MTMR6: variants seen among roughly 807,000 people sequenced by gnomAD.
The protein encoded by MTMR6 is myotubularin related protein 6.
A neutral mutation model predicts 80.1 loss-of-function variants in MTMR6; 47 were observed. The ratio of observed to expected loss-of-function variants is 0.59; its 90% CI spans 0.46 to 0.75. The LOEUF is 0.75. MTMR6 is among the 30% of genes least tolerant of loss of function. The probability of loss-of-function intolerance (pLI) is 0.00; values close to 1 mark genes in which losing one functional copy is unlikely to be tolerated. For missense variants in MTMR6, 629 were observed against 730.9 expected, an observed-to-expected ratio of 0.86 and a Z score of 1.61; for synonymous variants, 254 against 253.0, an observed-to-expected ratio of 1.00 and a Z score of -0.04.
intron 6 of MTMR6, among the ~76,000 whole-genome samples, chr13:25,259,628 A>T (rs1201741996): frequency 6.6e-6 from 1 of 151,606 alleles, no homozygotes; most frequent in Non-Finnish European, 1.5e-5. Flanking sequence ...CTAGTAAAAC[A>T]ATCAAAGAAT....
chr13:25,283,769 T>C (rs145205304), intron 1 of MTMR6, among the ~76,000 whole-genome samples: 3 of 152,322 alleles, frequency 2.0e-5, no homozygotes, highest in African/African-American at 7.2e-5. Flanking sequence ...GACATCAATA[T>C]ATAATGTCAG....
At position 25,251,738 on chromosome 13, in the gene MTMR6, G is replaced by A. The variant is rs1416388378; in HGVS notation, c.1516C>T (p.Leu506=). 1.2e-6 allele frequency: 2 copies of A among 1,602,074 alleles called. No homozygotes were observed. Among genetic ancestry groups the A allele is most frequent in the South Asian group, 2.2e-5 (2 of 89,734 alleles). The part of the protein sequence containing the change: ...RNMYHQFDRT[L]HPRQSVFNII... ...TTAAATACAGACTGCCTAGGATGCA[G>A]TGTTCGATCAAATTGATGGTACATG... Residue 506 remains leucine (L), a synonymous_variant, in exon 13 of 14, where the codon CTG becomes TTG. Coordinates refer to ENST00000381801, the MANE Select transcript of MTMR6 (RefSeq NM_004685.5). The surrounding 1 kb of genome is among the most constrained non-coding windows in gnomAD (Gnocchi z 4.1).
rs892468961 is a variant in MTMR6 at position 25,248,538 on chromosome 13, T to C, written c.*694A>G. The C allele has an allele frequency of 7.2e-5, 11 of 152,204 alleles. No individual in the cohort carries two copies. Among genetic ancestry groups the C allele is most frequent in the Non-Finnish European group, 1.2e-4 (8 of 67,996 alleles). 9.4% of individuals were successfully genotyped at this position (152,204 alleles called of 1,614,324 possible). A position where few individuals can be genotyped will look rare whatever the true frequency, so the allele number is the denominator to read the frequency against. ...TGATCAGAATAAACCTTCAGTTTCATTAATTTTGAATACAAAAGTGGGGCA... is the reference window on the plus strand; with the variant it reads ...TGATCAGAATAAACCTTCAGTTTCACTAATTTTGAATACAAAAGTGGGGCA... On this transcript the variant is annotated 3_prime_UTR_variant, in exon 14 of 14. Transcript: ENST00000381801.
chr13:25,263,316 G>T (rs1006746690), intron 5 of MTMR6, among the ~76,000 whole-genome samples: 1 of 152,228 alleles, frequency 6.6e-6, no homozygotes, highest in Non-Finnish European at 1.5e-5. Flanking sequence ...ATGCCTGTAC[G>T]AGAACTAGCT....
At chr13:25,265,716 A>G (rs940860551) in intron 5 of MTMR6, 103 bp downstream of exon 5, 2 of 1,312,142 alleles carry the variant, frequency 1.5e-6, no homozygotes, top group African/African-American at 1.5e-5. Context: ...TCGGCAACAG[A>G]GCGAGACCCT....
chr13:25,254,597 C>T (rs1302751556), intron 9 of MTMR6, among the ~76,000 whole-genome samples, 163 bp from the exon 10 acceptor site: 1 of 151,952 alleles, frequency 6.6e-6, no homozygotes, highest in Admixed American at 6.6e-5. Flanking sequence ...AACCTTGATT[C>T]GAGGTGGGGT....
Position 25,267,761 on chromosome 13 carries a change from G to C in MTMR6, c.304+18C>G. ...ATCTCAAATTGAGCATGTAAGCTTT[G>C]GTCTCTAAGAACAATACCTTGTTTT... On this transcript the variant is annotated intron_variant, in intron 3 of 13. Transcript: ENST00000381801. 1 of 1,600,998 alleles carries C rather than the reference G, an allele frequency of 6.2e-7. No homozygotes were observed. Among genetic ancestry groups the C allele is most frequent in the African/African-American group, 1.3e-5 (1 of 74,576 alleles).
chr13:25,247,030 T>TA lies in MTMR6; in HGVS notation c.*2201dup, dbSNP rs1227742394. The TA allele has an allele frequency of 6.6e-6, 1 of 152,218 alleles. No individual in the cohort carries two copies. The highest frequency in any genetic ancestry group is 1.5e-5 in the Non-Finnish European group (1 of 68,016). The allele number at this position is 152,218 out of a possible 1,614,324, so 9.4% of individuals were successfully genotyped here. On this transcript the variant is annotated 3_prime_UTR_variant, in exon 14 of 14. Transcript: ENST00000381801. ...AAGTGACAGGAACAAAATGAAAACT[T>TA]AATGACATTATTACCTACATCTGAT...
Position 25,260,433 on chromosome 13 carries a change from A to T in MTMR6, c.726+1235T>A, listed in dbSNP as rs185424818. 1.6e-3 allele frequency: 662 copies of T among 408,562 alleles called. 9 individuals carry two copies. Among genetic ancestry groups the T allele is most frequent in the African/African-American group, 0.013 (620 of 46,444 alleles). 25.3% of individuals were successfully genotyped at this position (408,562 alleles called of 1,614,324 possible). On this transcript the variant is annotated intron_variant, in intron 6 of 13. Coordinates refer to ENST00000381801, the MANE Select transcript of MTMR6 (RefSeq NM_004685.5). ...TCCACCCGCCGTGGCCTCCCAAAGT[A>T]CAATTTACTCAAATTAATCTCTTCT...
chr13:25,263,905 A>G (rs771682544), intron 5 of MTMR6, among the ~76,000 whole-genome samples: 1 of 152,190 alleles, frequency 6.6e-6, no homozygotes, highest in African/African-American at 2.4e-5. Flanking sequence ...AAAAGAAAAA[A>G]GAAAACAAAG....
rs1310501928 is a variant in MTMR6, at chr13:25,249,221, A to G, written c.*11T>C. 34 of 1,606,390 alleles carry G rather than the reference A, an allele frequency of 2.1e-5. No individual in the cohort carries two copies. In the East Asian group the frequency reaches 6.3e-4, roughly 30 times the overall value. ...TTGTACTGCAATCATTGCAGAAAAA[A>G]CTCTATGAGTCTAACAAGTCATTCT... On this transcript the variant is annotated 3_prime_UTR_variant, in exon 14 of 14. Coordinates refer to ENST00000381801, the MANE Select transcript of MTMR6 (RefSeq NM_004685.5).
intron 6 of MTMR6, among the ~76,000 whole-genome samples, chr13:25,259,116 C>T (rs1360377770): frequency 6.6e-6 from 1 of 152,144 alleles, no homozygotes; most frequent in African/African-American, 2.4e-5. Context: ...GGGCATTGAT[C>T]ATTCTGAGAG....
In MTMR6 at chr13:25,261,336, A is replaced by G. The variant is rs540041478; in HGVS notation, c.726+332T>C. Among the ~76,000 whole-genome samples the G allele has an allele frequency of 1.7e-3, 250 of 147,568 alleles. 2 individuals are homozygous for G. The highest frequency in any genetic ancestry group is 5.7e-3 in the African/African-American group (230 of 40,434). On this transcript the variant is annotated intron_variant, in intron 6 of 13. Transcript: ENST00000381801. ...AAAAAAAAAAAAAAAAAAAAAAAGA[A>G]TAGTAACAATTTATTTTTCATAACA...
At chr13:25,253,987 CT>C (rs760882436) in intron 10 of MTMR6, 23 bp from the exon 11 acceptor site, 8 of 1,608,814 alleles carry the variant, frequency 5.0e-6, no homozygotes, top group Non-Finnish European at 6.8e-6. Context: ...AAAGTATAAG[CT>C]TTTAAAAACA....
chr13:25,275,998 C>T (rs1302353277), intron 1 of MTMR6, among the ~76,000 whole-genome samples: 3 of 151,988 alleles, frequency 2.0e-5, no homozygotes, highest in African/African-American at 7.3e-5. Context: ...CTGTTTAGGA[C>T]TATTTCTCCC....
At chr13:25,274,953 C>CACACACACAA (rs1300810923) in intron 1 of MTMR6, among the ~76,000 whole-genome samples, 1 of 128,208 alleles carries the variant, frequency 7.8e-6, no homozygotes. Flanking sequence ...CACACACACA[C>CACACACACAA]ACACACATAC....
chr13:25,274,183 T>C lies in MTMR6; in HGVS notation c.29A>G (p.Glu10Gly), dbSNP rs1957651364. The C allele has an allele frequency of 1.3e-6, 2 of 1,585,858 alleles. No homozygotes were observed. The highest frequency in any genetic ancestry group is 2.7e-5 in the African/African-American group (2 of 73,936). ...GAATCGGTCAAGTAATTTTACTTGT[T>C]CGACCTAAAAGAAAAAAAGATATTA... is the stretch of plus-strand genomic sequence containing the variant. MEHIRTTKV[E>G]QVKLLDRFST... The change falls in exon 2 of 14, where the codon GAA (glutamate) becomes GGA (glycine). Residue 10 changes from glutamate (E) to glycine (G), a missense_variant. Glu to Gly is a moderately conservative substitution (Grantham distance 98). Transcript: ENST00000381801.
chr13:25,266,094 A>G lies in MTMR6; in HGVS notation c.462+35T>C, dbSNP rs556323717. The G allele has an allele frequency of 2.0e-5, 32 of 1,610,260 alleles. No individual in the cohort carries two copies. The South Asian group carries it at 3.0e-4, about 15-fold the overall frequency. On this transcript the variant is annotated intron_variant, in intron 4 of 13. Transcript: ENST00000381801. ...CACTCTCTAACCCTCTGGTACTAAC[A>G]CTTTCTGAATTTCTCCAAAATGTTG...
At chr13:25,278,923 A>G (rs375846830) in intron 1 of MTMR6, among the ~76,000 whole-genome samples, 18 of 152,218 alleles carry the variant, frequency 1.2e-4, no homozygotes, top group Admixed American at 8.5e-4. Flanking sequence ...CATTACATGC[A>G]CGCACACACT....
Sources: gnomAD v4.1 joint callset for allele counts (sites outside exome capture counted in the v4.1 genomes callset) on GRCh38, gnomAD v4.1.1 for gene constraint, Gnocchi (gnomAD v3.1) non-coding constraint, MANE v1.5 for transcripts, NCBI Gene and HGNC (gene_info 2026-07-23, HGNC 2026-07-21) for gene names.